FRMD4A: variants seen among roughly 807,000 people sequenced by gnomAD.
The protein encoded by FRMD4A is FERM domain-containing protein 4A.
A neutral mutation model predicts 129.1 loss-of-function variants in FRMD4A; 29 were observed. The observed-to-expected ratio is 0.22, with a 90% CI of 0.17 to 0.31. The LOEUF (loss-of-function observed/expected upper bound fraction) is 0.31, where lower values mean the gene tolerates loss of function less well. Among genes scored for constraint, FRMD4A ranks in the 10% least tolerant of loss-of-function variants. The pLI, the probability that FRMD4A is intolerant of heterozygous loss-of-function variation, is 1.00. For synonymous variants in FRMD4A, 634 were observed against 571.6 expected (o/e 1.11, Z -1.56); for missense variants, 1,272 against 1,375.8 (o/e 0.92, Z 1.19).
chr10:13,931,230 C>T (rs892868405), intron 2 of FRMD4A, among the ~76,000 whole-genome samples: 1 of 152,164 alleles, frequency 6.6e-6, no homozygotes, highest in Admixed American at 6.5e-5. Flanking sequence ...TGAAGAGACT[C>T]AGTGAGTTGC....
chr10:14,309,055 G>A (rs1320108267), intron 2 of FRMD4A, among the ~76,000 whole-genome samples: 2 of 152,182 alleles, frequency 1.3e-5, no homozygotes, highest in African/African-American at 4.8e-5. Context: ...AGCACTTTAT[G>A]TAAGCCTAGA....
intron 3 of FRMD4A, among the ~76,000 whole-genome samples, chr10:13,812,894 G>A (rs1212469090): frequency 1.3e-5 from 2 of 152,200 alleles, no homozygotes; most frequent in East Asian, 1.9e-4. Flanking sequence ...AAGGTGATAC[G>A]TCAGACCCTC....
At chr10:13,720,292 G>T (rs2089293371) in intron 12 of FRMD4A, among the ~76,000 whole-genome samples, 1 of 152,150 alleles carries the variant, frequency 6.6e-6, no homozygotes, top group Non-Finnish European at 1.5e-5. Context: ...CAGGCGATCC[G>T]CCCACCTCAG....
chr10:13,773,434 G>A lies in FRMD4A; in HGVS notation c.384+9488C>T, dbSNP rs139416563. Among the ~76,000 whole-genome samples, 816 of 152,270 alleles carry A rather than the reference G, an allele frequency of 5.4e-3. 10 individuals are homozygous for A. Among genetic ancestry groups the A allele is most frequent in the African/African-American group, 0.014 (565 of 41,546 alleles). ...TCTAGGCATTCTGACAGCCACTCACGCCACCTAACCTCAATCAAGGAACTA... is the reference window on the plus strand; with the variant it reads ...TCTAGGCATTCTGACAGCCACTCACACCACCTAACCTCAATCAAGGAACTA... On this transcript the variant is annotated intron_variant, in intron 6 of 24. Transcript: ENST00000357447.
At chr10:14,207,889 C>G (rs1000441316) in intron 2 of FRMD4A, among the ~76,000 whole-genome samples, 4 of 151,900 alleles carry the variant, frequency 2.6e-5, no homozygotes, top group African/African-American at 4.8e-5. Flanking sequence ...CAGTATAAAC[C>G]TCACCTTAAT....
At chr10:14,040,168 C>G (rs1331552214) in intron 2 of FRMD4A, among the ~76,000 whole-genome samples, 2 of 151,916 alleles carry the variant, frequency 1.3e-5, no homozygotes, top group Non-Finnish European at 2.9e-5. Flanking sequence ...AATGACAGAG[C>G]CTGAATAGGA....
At chr10:13,869,738 G>T (rs1219852842) in intron 2 of FRMD4A, among the ~76,000 whole-genome samples, 1 of 152,190 alleles carries the variant, frequency 6.6e-6, no homozygotes, top group African/African-American at 2.4e-5. Context: ...TTTCCTCCTA[G>T]GTTCTGCCAC....
intron 2 of FRMD4A, among the ~76,000 whole-genome samples, chr10:14,096,592 C>A (rs771033114): frequency 1.1e-4 from 16 of 152,246 alleles, no homozygotes; most frequent in Admixed American, 6.5e-4. Context: ...AGATAATTCA[C>A]CCCAAAGTTA....
chr10:13,755,013 G>A (rs2091797847), intron 8 of FRMD4A, among the ~76,000 whole-genome samples: 1 of 152,320 alleles, frequency 6.6e-6, no homozygotes, highest in East Asian at 1.9e-4. Flanking sequence ...ACTTCTGTAA[G>A]TGCAGGGAAA....
intron 2 of FRMD4A, among the ~76,000 whole-genome samples, chr10:14,328,206 A>G (rs1025975180): frequency 7.2e-5 from 11 of 151,992 alleles, no homozygotes; most frequent in African/African-American, 2.7e-4. Context: ...AAGAGAGGAG[A>G]ACACGATCCT....
At chr10:14,108,143 G>T (rs1175189751) in intron 2 of FRMD4A, among the ~76,000 whole-genome samples, 1 of 152,044 alleles carries the variant, frequency 6.6e-6, no homozygotes, top group Non-Finnish European at 1.5e-5. Context: ...TTTTCCCTCT[G>T]TAGAGAGAAA....
At chr10:14,129,371 C>CACATATATAT (rs1491548749) in intron 2 of FRMD4A, among the ~76,000 whole-genome samples, 1 of 46,202 alleles carries the variant, frequency 2.2e-5, no homozygotes, top group Non-Finnish European at 4.2e-5. Context: ...AATTATGATT[C>CACATATATAT]ATATATATAT....
At chr10:13,959,939 A>G (rs2095436156) in intron 2 of FRMD4A, among the ~76,000 whole-genome samples, 1 of 152,202 alleles carries the variant, frequency 6.6e-6, no homozygotes, top group Non-Finnish European at 1.5e-5. Flanking sequence ...AGACCAGTAG[A>G]TGCCGTGGAA....
chr10:14,212,755 C>T (rs1350838732), intron 2 of FRMD4A, among the ~76,000 whole-genome samples: 1 of 152,210 alleles, frequency 6.6e-6, no homozygotes, highest in African/African-American at 2.4e-5. Context: ...CCTATGGTGG[C>T]TGAGCAGGAG....
intron 2 of FRMD4A, among the ~76,000 whole-genome samples, chr10:14,194,634 A>G (rs1188481961): frequency 6.6e-6 from 1 of 152,072 alleles, no homozygotes; most frequent in African/African-American, 2.4e-5. Flanking sequence ...ACAACAAAAA[A>G]CCAAGGAGCA....
Position 13,931,479 on chromosome 10 carries a change from A to G in FRMD4A, c.46-72567T>C, listed in dbSNP as rs201314518. Among the ~76,000 whole-genome samples the G allele has an allele frequency of 9.9e-5, 15 of 152,204 alleles. No individual in the cohort carries two copies. The East Asian group carries it at 2.7e-3, about 27-fold the overall frequency. On this transcript the variant is annotated intron_variant, in intron 2 of 24. Transcript: ENST00000357447. ...TCTGATGAGTTCCTCTGCATCCTCCACATCTCAGAGTGGAGATTTCACTGT... is the reference window on the plus strand; with the variant it reads ...TCTGATGAGTTCCTCTGCATCCTCCGCATCTCAGAGTGGAGATTTCACTGT...
At chr10:13,878,213 T>C (rs1789521807) in intron 2 of FRMD4A, among the ~76,000 whole-genome samples, 2 of 130,512 alleles carry the variant, frequency 1.5e-5, no homozygotes, top group South Asian at 2.4e-4. Context: ...CTGTGTTGAC[T>C]ACTTGTAGCA....
At chr10:14,258,689 C>T (rs1260066587) in intron 2 of FRMD4A, among the ~76,000 whole-genome samples, 1 of 152,156 alleles carries the variant, frequency 6.6e-6, no homozygotes, top group Non-Finnish European at 1.5e-5. Flanking sequence ...AAAATGAAAG[C>T]TCATGTTCAC....
At chr10:13,683,844 C>T (rs1295057736) in intron 15 of FRMD4A, among the ~76,000 whole-genome samples, 1 of 151,868 alleles carries the variant, frequency 6.6e-6, no homozygotes, top group African/African-American at 2.4e-5. Context: ...TCCCGAGTAG[C>T]TGGGATTATA....
Sources: allele counts gnomAD v4.1 joint callset (sites outside exome capture counted in the v4.1 genomes callset), GRCh38; gene constraint gnomAD v4.1.1; transcripts MANE v1.5; gene names NCBI Gene and HGNC (gene_info 2026-07-23, HGNC 2026-07-21).